The following PVT1 variants were observed in gnomAD, a reference collection of about 807,000 sequenced individuals.
The protein encoded by PVT1 is CXCR4/PVT1 fusion.
intron 3 of PVT1, chr8:127,984,305 C>T (rs1816918337): frequency 6.6e-6 from 1 of 152,170 alleles, no homozygotes; most frequent in Non-Finnish European, 1.5e-5. Flanking sequence ...CCTCAATGGT[C>T]CCCTATGGCT....
intron 3 of PVT1, among the ~76,000 whole-genome samples, chr8:127,961,432 G>A (rs1816641232): frequency 6.6e-6 from 1 of 152,172 alleles, no homozygotes; most frequent in Non-Finnish European, 1.5e-5. Flanking sequence ...GTCCAGCTTA[G>A]GCCACTGAAT....
chr8:127,974,472 T>C (rs1816800774), intron 3 of PVT1, among the ~76,000 whole-genome samples: 1 of 152,192 alleles, frequency 6.6e-6, no homozygotes, highest in Non-Finnish European at 1.5e-5. Context: ...TGGAGGGCAG[T>C]GGCACAATCT....
chr8:128,066,923 C>T (rs539446124), intron 4 of PVT1, among the ~76,000 whole-genome samples: 1 of 152,268 alleles, frequency 6.6e-6, no homozygotes, highest in South Asian at 2.1e-4. Context: ...GGACTTCTTG[C>T]TGGCCACTGA....
chr8:127,952,232 C>T (rs895658794), intron 3 of PVT1, among the ~76,000 whole-genome samples: 1 of 152,242 alleles, frequency 6.6e-6, no homozygotes, highest in African/African-American at 2.4e-5. Flanking sequence ...GGGCCTTTGC[C>T]ACCCAAGCAG....
chr8:127,965,793 G>C (rs566108377), intron 3 of PVT1, among the ~76,000 whole-genome samples: 1 of 152,208 alleles, frequency 6.6e-6, no homozygotes, highest in Non-Finnish European at 1.5e-5. Flanking sequence ...AGATTGGCAG[G>C]AGATGAGCAG....
Position 127,904,945 on chromosome 8 carries a change from G to T in PVT1, n.782+13947G>T, listed in dbSNP as rs143120053. ...CACAGGCTGTATGTCCAAGGAGCTG[G>T]TCCTAGGGCAGGACTAAGGTTCAGG... On this transcript the variant is annotated intron_variant and non_coding_transcript_variant, in intron 3 of 10. Transcript: ENST00000651587. 3.9e-5 allele frequency among the ~76,000 whole-genome samples: 6 copies of T among 152,328 alleles called. No individual in the cohort carries two copies. In the East Asian group the frequency reaches 9.6e-4, roughly 24 times the overall value.
intron 2 of PVT1, among the ~76,000 whole-genome samples, chr8:127,876,814 G>A (rs1219568955): frequency 6.6e-6 from 1 of 152,160 alleles, no homozygotes. Flanking sequence ...TGGGCTGTTC[G>A]TGCTGTCATC....
intron 4 of PVT1, among the ~76,000 whole-genome samples, chr8:128,006,948 G>T (rs7014626): frequency 6.6e-6 from 1 of 152,010 alleles, no homozygotes; most frequent in African/African-American, 2.4e-5. Context: ...ACTTTGCCTG[G>T]TCCAGCCCTG....
chr8:128,083,494 A>G (rs545308379), intron 5 of PVT1, among the ~76,000 whole-genome samples: 1 of 152,304 alleles, frequency 6.6e-6, no homozygotes, highest in South Asian at 2.1e-4. Context: ...TTGACAAAAA[A>G]AGGCTCCTTA....
At chr8:127,897,472 AAGAAAGAG>A (rs984073414) in intron 3 of PVT1, among the ~76,000 whole-genome samples, 147 of 151,916 alleles carry the variant, frequency 9.7e-4, no homozygotes, top group African/African-American at 2.8e-3. Flanking sequence ...GAAAGTAAGA[AAGAAAGAG>A]AGAAAGAGAG....
chr8:127,797,324 G>C (rs1814408749), intron 2 of PVT1, among the ~76,000 whole-genome samples: 1 of 152,122 alleles, frequency 6.6e-6, no homozygotes, highest in South Asian at 2.1e-4. Flanking sequence ...CACAGTACCC[G>C]GCCTTGTTTT....
At chr8:128,057,272 T>C (rs1202948748) in intron 4 of PVT1, among the ~76,000 whole-genome samples, 1 of 152,060 alleles carries the variant, frequency 6.6e-6, no homozygotes, top group Admixed American at 6.6e-5. Context: ...TTACTTACCA[T>C]GTAGAAAAGG....
intron 3 of PVT1, among the ~76,000 whole-genome samples, chr8:127,956,211 G>T (rs1816566966): frequency 6.6e-6 from 1 of 152,252 alleles, no homozygotes; most frequent in Non-Finnish European, 1.5e-5. Context: ...GAGCCTTAGT[G>T]CTTGTTCCAC....
chr8:128,059,035 T>C (rs1813798329), intron 4 of PVT1, among the ~76,000 whole-genome samples: 1 of 152,106 alleles, frequency 6.6e-6, no homozygotes, highest in East Asian at 1.9e-4. Context: ...AATTAAATCA[T>C]GATTTGTCTT....
intron 3 of PVT1, among the ~76,000 whole-genome samples, chr8:127,943,915 C>T (rs767107630): frequency 3.9e-5 from 6 of 152,180 alleles, no homozygotes; most frequent in Non-Finnish European, 8.8e-5. Context: ...GAGCATGTTA[C>T]TCCACATGTG....
chr8:127,831,163 A>G (rs1470756993), intron 2 of PVT1, among the ~76,000 whole-genome samples: 1 of 150,956 alleles, frequency 6.6e-6, no homozygotes, highest in Non-Finnish European at 1.5e-5. Context: ...CTCTATATAT[A>G]TATATATCTC....
At chr8:127,876,245 C>CA (rs1403298599) in intron 2 of PVT1, among the ~76,000 whole-genome samples, 1 of 123,960 alleles carries the variant, frequency 8.1e-6, no homozygotes, top group Non-Finnish European at 1.7e-5. Flanking sequence ...ACACACGCCC[C>CA]AAACAGCAGT....
intron 2 of PVT1, among the ~76,000 whole-genome samples, chr8:127,828,495 T>A (rs1354484205): frequency 6.6e-6 from 1 of 152,172 alleles, no homozygotes; most frequent in African/African-American, 2.4e-5. Context: ...TGTTTATATT[T>A]CTCTTTGGCC....
chr8:128,074,611 A>C (rs1241196216), intron 5 of PVT1, among the ~76,000 whole-genome samples: 3 of 151,880 alleles, frequency 2.0e-5, no homozygotes, highest in Non-Finnish European at 4.4e-5. Flanking sequence ...CTGCTGAGCT[A>C]TCTTCATTTA....
Sources: gnomAD v4.1 joint callset for allele counts (sites outside exome capture counted in the v4.1 genomes callset) on GRCh38, gnomAD v4.1.1 for gene constraint, MANE v1.5 for transcripts, NCBI Gene and HGNC (gene_info 2026-07-23, HGNC 2026-07-21) for gene names.